EEA1: variants seen among roughly 807,000 people sequenced by gnomAD.
EEA1 encodes early endosome antigen 1, 162kD.
EEA1 carries 111 observed loss-of-function variants against 209.2 expected under a neutral mutation model. The observed-to-expected ratio is 0.53, with a 90% CI of 0.45 to 0.62. EEA1 has a LOEUF of 0.62. Ranked by LOEUF, EEA1 falls within the 20% of genes least tolerant of loss-of-function variation. EEA1 has a pLI of 0.00. For missense variants in EEA1, 1,343 were observed against 1,530.8 expected, an observed-to-expected ratio of 0.88 and a Z score of 2.05; for synonymous variants, 536 against 540.6, an observed-to-expected ratio of 0.99 and a Z score of 0.12.
chr12:92,915,155 A>G (rs933743420), intron 1 of EEA1, among the ~76,000 whole-genome samples: 1 of 152,144 alleles, frequency 6.6e-6, no homozygotes, highest in Admixed American at 6.5e-5. Context: ...TCTCTACACA[A>G]AAAAGACCTA....
chr12:92,865,998 C>T (rs1193999563), intron 2 of EEA1, among the ~76,000 whole-genome samples: 1 of 151,740 alleles, frequency 6.6e-6, no homozygotes, highest in East Asian at 1.9e-4. Context: ...ATCCACCCGC[C>T]TCGGCCTCCC....
chr12:92,842,375 C>A (rs2136701508), intron 10 of EEA1, 90 bp downstream of exon 10: 1 of 679,460 alleles, frequency 1.5e-6, no homozygotes, highest in African/African-American at 1.9e-5. Flanking sequence ...TCACATTGTA[C>A]TATGCCAATA....
chr12:92,867,867 AG>A (rs1878472008), intron 2 of EEA1, among the ~76,000 whole-genome samples: 1 of 1,048 alleles, frequency 9.5e-4, no homozygotes, highest in Non-Finnish European at 4.1e-3. Flanking sequence ...TGTGTGTGTG[AG>A]AGAGAGAGAG....
At chr12:92,780,030 A>G (rs1303592586) in intron 24 of EEA1, among the ~76,000 whole-genome samples, 2 of 152,114 alleles carry the variant, frequency 1.3e-5, no homozygotes, top group African/African-American at 4.8e-5. Flanking sequence ...TTATCATTTC[A>G]ATGAGATCCA....
In EEA1 at chr12:92,819,500, T is replaced by G; in HGVS notation, c.1536A>C (p.Glu512Asp). Residue 512 changes from glutamate (E) to aspartate (D), a missense_variant, in exon 14 of 29, where the codon GAA becomes GAC. This residue lies in a region of EEA1 where 1,307 missense variants were observed against 1,465.5 expected (regional missense o/e 0.89). Transcript: ENST00000322349. ...AKLREAQNDL[E>D]QVLRQIGDKD... ...TATCGCCAATTTGACGTAGAACTTG[T>G]TCCAAATCATTCTGTAAAGAATTGA... 1 of 1,592,660 alleles carries G rather than the reference T, an allele frequency of 6.3e-7. No individual in the cohort carries two copies. Among genetic ancestry groups the G allele is most frequent in the Non-Finnish European group, 8.5e-7 (1 of 1,171,604 alleles).
chr12:92,782,145 A>T lies in EEA1; in HGVS notation c.3151-10T>A. ...GCTTCTCTTCTACAGACTTACAAAAACAATTTTCCCAAATTATTATATGCC... is the reference window on the plus strand; with the variant it reads ...GCTTCTCTTCTACAGACTTACAAAATCAATTTTCCCAAATTATTATATGCC... On this transcript the variant is annotated splice_polypyrimidine_tract_variant and intron_variant, in intron 22 of 28. Coordinates refer to ENST00000322349, the MANE Select transcript of EEA1 (RefSeq NM_003566.4). 1 of 1,584,742 alleles carries T rather than the reference A, an allele frequency of 6.3e-7. No homozygotes were observed. Among genetic ancestry groups the T allele is most frequent in the Non-Finnish European group, 8.6e-7 (1 of 1,164,922 alleles).
chr12:92,802,370 C>G, intron 19 of EEA1, 34 bp downstream of exon 19: 1 of 1,514,276 alleles, frequency 6.6e-7, no homozygotes, highest in Non-Finnish European at 8.8e-7. Context: ...AAAATAATCA[C>G]TTCTACCTAA....
At chr12:92,890,945 C>T (rs1349419040) in intron 2 of EEA1, among the ~76,000 whole-genome samples, 2 of 152,146 alleles carry the variant, frequency 1.3e-5, no homozygotes, top group African/African-American at 2.4e-5. Flanking sequence ...GTAAGGACTA[C>T]AGCTAGGCCT....
At position 92,773,583 on chromosome 12, in the gene EEA1, C is replaced by T. The variant is rs903806793; in HGVS notation, c.*2428G>A. The T allele has an allele frequency of 4.6e-5, 7 of 151,686 alleles. No individual in the cohort carries two copies. The highest frequency in any genetic ancestry group is 1.7e-4 in the African/African-American group (7 of 41,366). 9.4% of individuals were successfully genotyped at this position (151,686 alleles called of 1,614,324 possible). A position where few individuals can be genotyped will look rare whatever the true frequency, so the allele number is the denominator to read the frequency against. ...CTTAATTTTAACTCACATTCTGTGC[C>T]GGGGTTTGGAATTTACTAACATTAT... On this transcript the variant is annotated 3_prime_UTR_variant, in exon 29 of 29. Coordinates refer to ENST00000322349, the MANE Select transcript of EEA1 (RefSeq NM_003566.4).
chr12:92,921,885 AAG>A (rs1555210118), intron 1 of EEA1, among the ~76,000 whole-genome samples: 44 of 145,224 alleles, frequency 3.0e-4, no homozygotes, highest in African/African-American at 1.1e-3. Flanking sequence ...AAAAAAAAAA[AAG>A]AAAAAAAGAA....
intron 2 of EEA1, among the ~76,000 whole-genome samples, chr12:92,887,049 A>C (rs1268064382): frequency 6.6e-6 from 1 of 152,062 alleles, no homozygotes; most frequent in Non-Finnish European, 1.5e-5. Context: ...AAAAGAAAGA[A>C]CTTCTAGGAA....
intron 13 of EEA1, among the ~76,000 whole-genome samples, chr12:92,820,234 C>G (rs1169358047): frequency 6.6e-6 from 1 of 152,084 alleles, no homozygotes; most frequent in African/African-American, 2.4e-5. Flanking sequence ...TCACATATAC[C>G]CGCAGGCTCA....
intron 21 of EEA1, 57 bp from the exon 22 acceptor site, chr12:92,788,106 A>C: frequency 7.2e-7 from 1 of 1,385,220 alleles, no homozygotes; most frequent in Non-Finnish European, 9.5e-7. Flanking sequence ...AATTACAAAT[A>C]TAAAGTAAAA....
In EEA1 at chr12:92,883,833, G is replaced by A. The variant is rs945999608; in HGVS notation, c.117+7796C>T. The A allele has an allele frequency of 1.0e-5, 16 of 1,600,568 alleles. No individual in the cohort carries two copies. In the African/African-American group the frequency reaches 1.5e-4, roughly 15 times the overall value. On this transcript the variant is annotated intron_variant, in intron 2 of 28. Coordinates refer to ENST00000322349, the MANE Select transcript of EEA1 (RefSeq NM_003566.4). ...AGCTGAGGAAGCTCTTCATTGGAGG[G>A]TTGAGCTTTAAAACAACCGATGAGA...
intron 15 of EEA1, 94 bp downstream of exon 15, chr12:92,816,106 A>G (rs1875770372): frequency 1.9e-5 from 22 of 1,151,154 alleles, no homozygotes; most frequent in Non-Finnish European, 2.7e-5. Flanking sequence ...ATTTTTTTCA[A>G]TTAATATGCA....
intron 15 of EEA1, among the ~76,000 whole-genome samples, chr12:92,814,841 T>C (rs1486689789): frequency 1.3e-5 from 2 of 152,202 alleles, no homozygotes; most frequent in Admixed American, 1.3e-4. Flanking sequence ...AGGTGTATTA[T>C]GGAACTTTAA....
At position 92,851,396 on chromosome 12, in the gene EEA1, T is replaced by C. The variant is rs60248516; in HGVS notation, c.643-130A>G. 5.3e-3 allele frequency: 4,581 copies of C among 856,358 alleles called. 143 individuals are homozygous for C. In the African/African-American group the frequency reaches 0.064, roughly 12 times the overall value. The allele number at this position is 856,358 out of a possible 1,614,324, so 53.0% of individuals were successfully genotyped here. A position where few individuals can be genotyped will look rare whatever the true frequency, so the allele number is the denominator to read the frequency against. ...AATATCAATTTTTAGACTTCAAACA[T>C]TGAACACTGATATCTTCTCCCACAA... On this transcript the variant is annotated intron_variant, in intron 8 of 28. Coordinates refer to ENST00000322349, the MANE Select transcript of EEA1 (RefSeq NM_003566.4).
rs186921332 is a variant in EEA1, at chr12:92,854,497, A to G, written c.367-543T>C. 7.9e-5 allele frequency among the ~76,000 whole-genome samples: 12 copies of G among 152,358 alleles called. No individual in the cohort carries two copies. The East Asian group carries it at 9.6e-4, about 12-fold the overall frequency. ...CTTCTCCTCTCTTCAGTAGTATTAC[A>G]TCAGACCTTATCATACCGCAGATCT... On this transcript the variant is annotated intron_variant, in intron 5 of 28. Transcript: ENST00000322349.
At chr12:92,800,450 A>G (rs1874856620) in intron 20 of EEA1, among the ~76,000 whole-genome samples, 1 of 152,228 alleles carries the variant, frequency 6.6e-6, no homozygotes, top group Admixed American at 6.5e-5. Context: ...CTAAGAACCT[A>G]GCATTACATT....
Sources: allele counts gnomAD v4.1 joint callset (sites outside exome capture counted in the v4.1 genomes callset), GRCh38; gene constraint gnomAD v4.1.1; regional missense constraint gnomAD v4.1.1; transcripts MANE v1.5; gene names NCBI Gene and HGNC (gene_info 2026-07-23, HGNC 2026-07-21).